Variants in ESR1 observed in about 807,000 individuals in gnomAD.
The protein encoded by ESR1 is estrogen receptor 1.
In ESR1, 12 loss-of-function variants were observed where a neutral mutation model predicts 52.7. The observed-to-expected ratio is 0.23, with a 90% confidence interval of 0.15 to 0.37. ESR1 has a LOEUF of 0.37. ESR1 is among the 10% of genes least tolerant of loss of function. The pLI is 1.00. For synonymous variants in ESR1, 305 were observed against 316.8 expected, an observed-to-expected ratio of 0.96 and a Z score of 0.39; for missense variants, 584 against 779.7, an observed-to-expected ratio of 0.75 and a Z score of 2.99.
intron 3 of ESR1, among the ~76,000 whole-genome samples, chr6:151,890,991 C>T (rs373848353): frequency 4.6e-5 from 7 of 151,936 alleles, no homozygotes; most frequent in South Asian, 2.1e-4. Flanking sequence ...TGTGATTAGG[C>T]GATTTTCTAT....
chr6:151,943,889 C>T (rs1159419977), intron 3 of ESR1, among the ~76,000 whole-genome samples: 1 of 152,072 alleles, frequency 6.6e-6, no homozygotes, highest in Non-Finnish European at 1.5e-5. Flanking sequence ...GTTTTGTAAG[C>T]CATTTGATGT....
chr6:151,739,724 T>G (rs1226009736), intron 2 of ESR1, among the ~76,000 whole-genome samples: 1 of 152,272 alleles, frequency 6.6e-6, no homozygotes, highest in Non-Finnish European at 1.5e-5. Flanking sequence ...TTTCATCTTG[T>G]TGGCCCCATT....
chr6:152,047,867 G>T (rs985699451), intron 5 of ESR1, among the ~76,000 whole-genome samples: 1 of 151,826 alleles, frequency 6.6e-6, no homozygotes, highest in Non-Finnish European at 1.5e-5. Context: ...ATGTGCTCCC[G>T]GCTCTCCAGG....
intron 2 of ESR1, among the ~76,000 whole-genome samples, chr6:151,877,853 A>C (rs995214919): frequency 2.0e-5 from 3 of 151,878 alleles, no homozygotes; most frequent in Non-Finnish European, 4.4e-5. Context: ...TCTGTTGTCC[A>C]TGCTGGAGTG....
chr6:151,934,586 A>G (rs1308577937), intron 3 of ESR1, among the ~76,000 whole-genome samples: 2 of 152,112 alleles, frequency 1.3e-5, no homozygotes, highest in African/African-American at 4.8e-5. Context: ...CATGATGAAG[A>G]TGATTTTGAG....
intron 2 of ESR1, among the ~76,000 whole-genome samples, chr6:151,730,327 AG>A (rs1294172584): frequency 6.6e-6 from 1 of 151,808 alleles, no homozygotes; most frequent in Non-Finnish European, 1.5e-5. Context: ...TTTACTCTTG[AG>A]GGGAACTCCC....
intron 4 of ESR1, among the ~76,000 whole-genome samples, chr6:151,953,949 C>T (rs1447147983): frequency 1.3e-5 from 2 of 152,154 alleles, no homozygotes; most frequent in African/African-American, 4.8e-5. Context: ...CTTTAGACTA[C>T]AGCCTAAACT....
At chr6:151,699,999 G>A (rs1779646520) in intron 1 of ESR1, among the ~76,000 whole-genome samples, 2 of 151,458 alleles carry the variant, frequency 1.3e-5, no homozygotes, top group South Asian at 4.2e-4. Flanking sequence ...TTTGGTCAGT[G>A]TCCACAGTCC....
At chr6:151,895,350 A>C (rs1795330973) in intron 3 of ESR1, among the ~76,000 whole-genome samples, 1 of 152,112 alleles carries the variant, frequency 6.6e-6, no homozygotes, top group Admixed American at 6.5e-5. Context: ...AAACAGCGAC[A>C]GTTTGAATTC....
chr6:151,830,061 A>G (rs12527007), intron 1 of ESR1, among the ~76,000 whole-genome samples: 10,584 of 152,216 alleles, frequency 0.07, 827 homozygotes, highest in African/African-American at 0.17. Context: ...TAGGATCATA[A>G]ATGAAATGAC....
At chr6:152,002,521 G>A (rs558749204) in intron 4 of ESR1, among the ~76,000 whole-genome samples, 2 of 151,906 alleles carry the variant, frequency 1.3e-5, no homozygotes, top group African/African-American at 2.4e-5. Context: ...TTGACTTTTC[G>A]GATGCAGCCA....
chr6:151,683,379 A>G (rs1158426247), intron 1 of ESR1, among the ~76,000 whole-genome samples: 6 of 150,418 alleles, frequency 4.0e-5, no homozygotes, highest in African/African-American at 1.5e-4. Flanking sequence ...CTCTTTGGAT[A>G]TTGGGGATGA....
At chr6:152,096,445 T>A (rs2050617051) in intron 7 of ESR1, among the ~76,000 whole-genome samples, 1 of 152,204 alleles carries the variant, frequency 6.6e-6, no homozygotes, top group Non-Finnish European at 1.5e-5. Context: ...TATTAGCTCC[T>A]GGGAAAATAG....
intron 1 of ESR1, among the ~76,000 whole-genome samples, chr6:151,675,326 C>T (rs2099368794): frequency 1.3e-5 from 2 of 152,040 alleles, no homozygotes; most frequent in South Asian, 2.1e-4. Flanking sequence ...AGGTCAGGTC[C>T]AAACTTATGT....
chr6:151,999,682 C>T (rs908170203), intron 4 of ESR1, among the ~76,000 whole-genome samples: 10 of 152,012 alleles, frequency 6.6e-5, no homozygotes. Context: ...TCCTACAGTC[C>T]TCTGAAAAGA....
intron 4 of ESR1, among the ~76,000 whole-genome samples, chr6:151,989,272 AT>A (rs2040796783): frequency 6.6e-6 from 1 of 152,164 alleles, no homozygotes; most frequent in Non-Finnish European, 1.5e-5. Flanking sequence ...TGTCTAGTTG[AT>A]AAAAAATTTC....
At chr6:152,048,617 T>TA (rs1444317891) in intron 5 of ESR1, among the ~76,000 whole-genome samples, 1 of 152,184 alleles carries the variant, frequency 6.6e-6, no homozygotes, top group African/African-American at 2.4e-5. Flanking sequence ...TGTTAAACCT[T>TA]CAGCACTGAA....
intron 6 of ESR1, chr6:152,113,138 A>G (rs1490453001): frequency 9.4e-6 from 1 of 106,822 alleles, no homozygotes; most frequent in Non-Finnish European, 2.0e-5. Context: ...ATCACAGGTC[A>G]GCAAATTTTT....
intron 4 of ESR1, among the ~76,000 whole-genome samples, chr6:151,987,138 A>G (rs2128700127): frequency 6.6e-6 from 1 of 151,914 alleles, no homozygotes; most frequent in Admixed American, 6.5e-5. Flanking sequence ...TTTGCTGTGA[A>G]CAGTGACTCT....
Sources: allele counts gnomAD v4.1 joint callset (sites outside exome capture counted in the v4.1 genomes callset), GRCh38; gene constraint gnomAD v4.1.1; transcripts MANE v1.5; gene names NCBI Gene and HGNC (gene_info 2026-07-23, HGNC 2026-07-21).